TLN2: variants seen among roughly 807,000 people sequenced by gnomAD.
TLN2 encodes the protein talin 2.
A neutral mutation model predicts 294.7 loss-of-function variants in TLN2; 118 were observed. The observed-to-expected ratio is 0.40, with a 90% CI of 0.34 to 0.47. The LOEUF is 0.47. Ranked by LOEUF, TLN2 falls within the 20% of genes least tolerant of loss-of-function variation. TLN2 has a pLI of 0.84. For synonymous variants in TLN2, 1,431 were observed against 1,304.5 expected (o/e 1.10, Z -2.09); for missense variants, 3,083 against 3,282.2 (o/e 0.94, Z 1.48).
intron 1 of TLN2, among the ~76,000 whole-genome samples, chr15:62,515,359 C>T (rs888200440): frequency 2.0e-5 from 3 of 152,096 alleles, no homozygotes; most frequent in Non-Finnish European, 4.4e-5. Context: ...ATAATTTATC[C>T]ATTTTACTGT....
intron 22 of TLN2, among the ~76,000 whole-genome samples, chr15:62,713,929 A>ATATATATATGC (rs368958929): frequency 0.014 from 1,689 of 124,612 alleles, 42 homozygotes; most frequent in Middle Eastern, 0.026. Context: ...GTGTGTGTGT[A>ATATATATATGC]TGTGTGTGTG....
At position 62,843,208 on chromosome 15, in the gene TLN2, C is replaced by T. The variant is rs2070878259; in HGVS notation, c.*2598C>T. The T allele has an allele frequency of 6.6e-6, 1 of 152,152 alleles. No homozygotes were observed. Among genetic ancestry groups the T allele is most frequent in the Non-Finnish European group, 1.5e-5 (1 of 68,034 alleles). 9.4% of individuals were successfully genotyped at this position (152,152 alleles called of 1,614,324 possible). A position where few individuals can be genotyped will look rare whatever the true frequency, so the allele number is the denominator to read the frequency against. On this transcript the variant is annotated 3_prime_UTR_variant, in exon 59 of 59. Transcript: ENST00000636159. Reference sequence around the variant, plus strand: ...TGTTGACATGTGGTTCTTCTCACACCCCTCTACTCCTCGAGGGCTTTGAAT... The same window carrying T: ...TGTTGACATGTGGTTCTTCTCACACTCCTCTACTCCTCGAGGGCTTTGAAT...
At chr15:62,610,300 G>T (rs530118976) in intron 2 of TLN2, among the ~76,000 whole-genome samples, 1 of 152,318 alleles carries the variant, frequency 6.6e-6, no homozygotes, top group African/African-American at 2.4e-5. Flanking sequence ...TTAGCACATA[G>T]CTCCTAGGAG....
At chr15:62,695,699 G>A (rs893789676) in intron 14 of TLN2, among the ~76,000 whole-genome samples, 3 of 152,154 alleles carry the variant, frequency 2.0e-5, no homozygotes, top group Non-Finnish European at 4.4e-5. Flanking sequence ...GTCCCCACTA[G>A]TACGCAAGTT....
At chr15:62,642,565 C>T (rs2051246262) in intron 3 of TLN2, among the ~76,000 whole-genome samples, 1 of 97,172 alleles carries the variant, frequency 1.0e-5, no homozygotes, top group Non-Finnish European at 2.3e-5. Flanking sequence ...GCCTCATTTT[C>T]ACAGGGCTTC....
intron 42 of TLN2, among the ~76,000 whole-genome samples, chr15:62,771,412 G>T (rs374071215): frequency 2.0e-5 from 3 of 152,334 alleles, no homozygotes; most frequent in African/African-American, 7.2e-5. Flanking sequence ...AATGAAAACT[G>T]TAATGCTTGC....
chr15:62,425,733 G>A (rs766919427), intron 1 of TLN2, among the ~76,000 whole-genome samples: 2 of 152,166 alleles, frequency 1.3e-5, no homozygotes, highest in Non-Finnish European at 2.9e-5. Flanking sequence ...TGCAAGTGCT[G>A]GTACTCTAGG....
In TLN2 at chr15:62,541,243, A is replaced by G. The variant is rs76505515; in HGVS notation, c.-237-48444A>G. Among the ~76,000 whole-genome samples, 64 of 152,330 alleles carry G rather than the reference A, an allele frequency of 4.2e-4. 2 individuals are homozygous for G. In the East Asian group the frequency reaches 0.012, roughly 29 times the overall value. ...TTCCATAACAACATTAAAAATAGGA[A>G]GAATAATAGCGTCATGGATTTTCAT... On this transcript the variant is annotated intron_variant, in intron 1 of 58. Coordinates refer to ENST00000636159, the MANE Select transcript of TLN2 (RefSeq NM_015059.3).
At chr15:62,566,404 G>T (rs2043396284) in intron 1 of TLN2, among the ~76,000 whole-genome samples, 2 of 152,198 alleles carry the variant, frequency 1.3e-5, no homozygotes, top group South Asian at 4.2e-4. Flanking sequence ...AGAGAGAAGG[G>T]AAGTGCACAC....
intron 28 of TLN2, among the ~76,000 whole-genome samples, chr15:62,731,209 A>G (rs1361250243): frequency 6.6e-6 from 1 of 151,090 alleles, no homozygotes; most frequent in Non-Finnish European, 1.5e-5. Context: ...CAACATATTT[A>G]TCACAGTTAT....
At chr15:62,427,970 T>C (rs2034808738) in intron 1 of TLN2, among the ~76,000 whole-genome samples, 1 of 152,174 alleles carries the variant, frequency 6.6e-6, no homozygotes, top group Admixed American at 6.5e-5. Context: ...ATGACACATA[T>C]CTTCCTCACT....
intron 1 of TLN2, among the ~76,000 whole-genome samples, chr15:62,473,556 C>T (rs897797310): frequency 6.6e-6 from 1 of 152,088 alleles, no homozygotes; most frequent in African/African-American, 2.4e-5. Context: ...TATGCTTTTG[C>T]TTATTATTCT....
intron 1 of TLN2, among the ~76,000 whole-genome samples, chr15:62,415,664 G>A (rs1198723511): frequency 1.3e-5 from 2 of 152,226 alleles, no homozygotes; most frequent in Non-Finnish European, 2.9e-5. Flanking sequence ...GAAGAGGCCC[G>A]CTGCCAGGCG....
intron 11 of TLN2, among the ~76,000 whole-genome samples, chr15:62,676,545 G>A (rs139641599): frequency 6.6e-6 from 1 of 152,170 alleles, no homozygotes; most frequent in African/African-American, 2.4e-5. Flanking sequence ...ATAATGTTTA[G>A]TAAACAGCCA....
intron 1 of TLN2, among the ~76,000 whole-genome samples, chr15:62,429,116 G>A (rs748656329): frequency 6.7e-6 from 1 of 149,054 alleles, no homozygotes; most frequent in Non-Finnish European, 1.5e-5. Context: ...GGTGGGAACC[G>A]GGGTTGGCGG....
At chr15:62,439,936 A>G (rs2035468328) in intron 1 of TLN2, among the ~76,000 whole-genome samples, 1 of 152,172 alleles carries the variant, frequency 6.6e-6, no homozygotes, top group Non-Finnish European at 1.5e-5. Flanking sequence ...TTCTAGGGAC[A>G]GGAACTCCCT....
chr15:62,760,954 T>A (rs2062624646), intron 37 of TLN2, among the ~76,000 whole-genome samples: 1 of 152,184 alleles, frequency 6.6e-6, no homozygotes, highest in African/African-American at 2.4e-5. Context: ...TTCCTTATGC[T>A]CTCTCCGGTC....
chr15:62,520,472 G>C (rs2040401317), intron 1 of TLN2, among the ~76,000 whole-genome samples: 1 of 152,214 alleles, frequency 6.6e-6, no homozygotes, highest in Non-Finnish European at 1.5e-5. Context: ...CAGGCATACA[G>C]CCTTTCTCTA....
intron 43 of TLN2, among the ~76,000 whole-genome samples, chr15:62,778,902 T>G (rs1397863337): frequency 6.6e-6 from 1 of 152,222 alleles, no homozygotes; most frequent in East Asian, 1.9e-4. Flanking sequence ...CATTCTCCCT[T>G]TGCTCAGCAT....
Sources: gnomAD v4.1 joint callset for allele counts (sites outside exome capture counted in the v4.1 genomes callset) on GRCh38, gnomAD v4.1.1 for gene constraint, MANE v1.5 for transcripts, NCBI Gene and HGNC (gene_info 2026-07-23, HGNC 2026-07-21) for gene names.